The following SH2B2 variants were observed in gnomAD, a reference collection of about 807,000 sequenced individuals.
The protein encoded by SH2B2 is SH2B adaptor protein 2, also known as SH2B adapter protein 2.
Under a neutral mutation model 35.7 loss-of-function variants are expected in SH2B2, and 37 were observed. That is an observed-to-expected ratio of 1.04 (90% CI 0.80 to 1.36). The LOEUF is 1.36. Ranked by LOEUF, SH2B2 falls within the 40% of genes most tolerant of loss-of-function variation. The probability of loss-of-function intolerance (pLI) is 0.00; values close to 1 mark genes in which losing one functional copy is unlikely to be tolerated. For missense variants in SH2B2, 852 were observed against 817.7 expected (o/e 1.04, Z -0.51); for synonymous variants, 383 against 376.4 (o/e 1.02, Z -0.20).
In SH2B2 at chr7:102,312,278, G is replaced by A. The variant is rs547800923; in HGVS notation, c.924-2058G>A. Among the ~76,000 whole-genome samples the A allele has an allele frequency of 2.6e-5, 4 of 152,206 alleles. No homozygotes were observed. In the East Asian group the frequency reaches 5.8e-4, roughly 22 times the overall value. On this transcript the variant is annotated intron_variant, in intron 4 of 8. Transcript: ENST00000444095. Reference sequence around the variant, plus strand: ...TAATCCCAGCTACTTGGGAGGCTGAGGCAGGAGAATCACTTGAACCTGGGA... The same window carrying A: ...TAATCCCAGCTACTTGGGAGGCTGAAGCAGGAGAATCACTTGAACCTGGGA...
intron 2 of SH2B2, among the ~76,000 whole-genome samples, chr7:102,301,543 TGTGTGTGTGTGTGTCC>T (rs1188228283): frequency 1.9e-4 from 28 of 148,524 alleles, no homozygotes; most frequent in Admixed American, 5.3e-4. Flanking sequence ...TTTTCGTGTG[TGTGTGTGTGTGTGTCC>T]GTGTGTGTGT....
chr7:102,299,902 C>T (rs1425847130), intron 1 of SH2B2, among the ~76,000 whole-genome samples: 1 of 152,202 alleles, frequency 6.6e-6, no homozygotes, highest in African/African-American at 2.4e-5. Context: ...TCTGCAGACA[C>T]CACCTCCTGC....
intron 1 of SH2B2, among the ~76,000 whole-genome samples, chr7:102,287,743 TG>T (rs1421013481): frequency 6.6e-6 from 1 of 152,110 alleles, no homozygotes; most frequent in East Asian, 1.9e-4. Context: ...ACCTGCGGGC[TG>T]CGCGGGCCGG....
Position 102,314,527 on chromosome 7 carries a change from GC to G in SH2B2, c.1037del (p.Pro346GlnfsTer10), listed in dbSNP as rs1163945636. 2 of 398,666 alleles carry G rather than the reference GC, an allele frequency of 5.0e-6. No individual in the cohort carries two copies. The highest frequency in any genetic ancestry group is 8.8e-6 in the Non-Finnish European group (2 of 226,216). 24.7% of individuals were successfully genotyped at this position (398,666 alleles called of 1,614,324 possible). A position where few individuals can be genotyped will look rare whatever the true frequency, so the allele number is the denominator to read the frequency against. ...ELLTDAVDLP[R>X]PPETTAVGAV... ...ACTTCCCCAGCAGTCGACCTGCCCCGCCCCCCAGAGACGACAGCCGTGGGTG... is the reference window on the plus strand; with the variant it reads ...ACTTCCCCAGCAGTCGACCTGCCCCGCCCCCAGAGACGACAGCCGTGGGTG... On this transcript the variant is annotated frameshift_variant, in exon 6 of 9. Transcript: ENST00000444095. LOFTEE classifies it high-confidence loss of function.
At chr7:102,317,111 C>T (rs1563568198) in intron 6 of SH2B2, 76 bp from the exon 7 acceptor site, 3 of 1,207,746 alleles carry the variant, frequency 2.5e-6, no homozygotes, top group Non-Finnish European at 3.5e-6. Context: ...AAGACGTCAC[C>T]TCTCTTCTCA....
Position 102,300,883 on chromosome 7 carries a change from C to T in SH2B2, c.333C>T (p.Pro111=), listed in dbSNP as rs1554553595. The change falls in exon 2 of 9, where the codon CCC becomes CCT. Residue 111 remains proline (P), a synonymous_variant. Transcript: ENST00000444095. ...LADTSALKAA[P]YGHSRSSEDV... is the part of the protein sequence containing the mutation. Reference sequence around the variant, plus strand: ...ACACCTCTGCACTCAAGGCGGCGCCCTACGGCCACTCGCGGAGCTCGGAGG... The same window carrying T: ...ACACCTCTGCACTCAAGGCGGCGCCTTACGGCCACTCGCGGAGCTCGGAGG... The T allele has an allele frequency of 2.7e-6, 4 of 1,466,098 alleles. No homozygotes were observed. The African/African-American group carries it at 5.8e-5, about 21-fold the overall frequency. The allele number at this position is 1,466,098 out of a possible 1,614,324, so 90.8% of individuals were successfully genotyped here.
chr7:102,320,248 G>T, intron 7 of SH2B2, 83 bp from the exon 8 acceptor site: 1 of 1,165,478 alleles, frequency 8.6e-7, no homozygotes, highest in Non-Finnish European at 1.2e-6. Flanking sequence ...TGTGAGCCTT[G>T]GTCCTTCCAT....
chr7:102,307,797 G>A (rs1461510639), intron 3 of SH2B2, among the ~76,000 whole-genome samples: 1 of 151,244 alleles, frequency 6.6e-6, no homozygotes, highest in African/African-American at 2.4e-5. Flanking sequence ...TTGGAGATGG[G>A]TCCCACTCTG....
chr7:102,308,467 G>A (rs1793486851), intron 3 of SH2B2, among the ~76,000 whole-genome samples: 1 of 152,214 alleles, frequency 6.6e-6, no homozygotes, highest in South Asian at 2.1e-4. Context: ...CCCACCCCTG[G>A]GGTGCCAGGG....
At position 102,300,707 on chromosome 7, in the gene SH2B2, G is replaced by A. The variant is rs782055416; in HGVS notation, c.157G>A (p.Asp53Asn). Residue 53 changes from aspartate to asparagine, a missense_variant, in exon 2 of 9, where the codon GAC becomes AAC. Asp to Asn is a conservative substitution (Grantham distance 23). Transcript: ENST00000444095. ...CRFLRDNPAY[D>N]TPDAGASFSR... is the part of the protein sequence containing the mutation. The stretch of plus-strand genomic sequence containing the variant: ...TTTCCTGCGGGACAACCCAGCTTAC[G>A]ACACGCCCGACGCCGGCGCCTCCTT... 4.1e-5 allele frequency: 63 copies of A among 1,538,902 alleles called. No homozygotes were observed. Among genetic ancestry groups the A allele is most frequent in the Middle Eastern group, 1.7e-4 (1 of 5,976 alleles).
chr7:102,285,302 G>A (rs1359183001), upstream of SH2B2: 1 of 1,374,572 alleles, frequency 7.3e-7, no homozygotes, highest in Non-Finnish European at 1.0e-6. Context: ...CCAGGAGGGT[G>A]GAGACCACAA....
intron 1 of SH2B2, among the ~76,000 whole-genome samples, chr7:102,299,151 G>A (rs1472230198): frequency 2.8e-5 from 4 of 142,366 alleles, no homozygotes; most frequent in African/African-American, 7.8e-5. Flanking sequence ...CGCCCGCCTC[G>A]GCCTCCCAAA....
chr7:102,315,384 G>A (rs903300374), intron 6 of SH2B2, among the ~76,000 whole-genome samples: 2 of 151,918 alleles, frequency 1.3e-5, no homozygotes, highest in Non-Finnish European at 2.9e-5. Context: ...ACGCTGGAGT[G>A]CAGTGGCGGA....
rs1283439054 is a variant in SH2B2, at chr7:102,300,869, C to T, written c.319C>T (p.Leu107Phe). The T allele has an allele frequency of 6.8e-7, 1 of 1,463,184 alleles. No individual in the cohort carries two copies. The highest frequency in any genetic ancestry group is 9.0e-7 in the Non-Finnish European group (1 of 1,109,392). The allele number at this position is 1,463,184 out of a possible 1,614,324, so 90.6% of individuals were successfully genotyped here. ...GCCGGAGCTCGCGGACACCTCTGCA[C>T]TCAAGGCGGCGCCCTACGGCCACTC... ...MEPELADTSA[L>F]KAAPYGHSRS... Residue 107 changes from leucine to phenylalanine, a missense_variant, in exon 2 of 9, where the codon CTC becomes TTC. Leu to Phe is a conservative substitution (Grantham distance 22, BLOSUM62 0). Around this residue, in one of 3 missense-constraint regions of SH2B2, gnomAD observed 294 missense variants for 286.6 expected, o/e 1.03. Coordinates refer to ENST00000444095, the MANE Select transcript of SH2B2 (RefSeq NM_001359228.2).
intron 2 of SH2B2, 81 bp from the exon 3 acceptor site, chr7:102,306,640 C>CT (rs1793409288): frequency 3.9e-6 from 4 of 1,038,770 alleles, no homozygotes; most frequent in South Asian, 1.4e-5. Flanking sequence ...GAGGGCCACT[C>CT]TAACACCTGG....
At chr7:102,320,595 G>A (rs1794019372) in intron 8 of SH2B2, 93 bp downstream of exon 8, 3 of 1,472,660 alleles carry the variant, frequency 2.0e-6, no homozygotes, top group Non-Finnish European at 2.7e-6. Context: ...TGAGCCCCAG[G>A]TCTCCTGTCC....
upstream of SH2B2, among the ~76,000 whole-genome samples, chr7:102,285,878 C>A (rs576510105): frequency 7.2e-5 from 11 of 152,256 alleles, no homozygotes; most frequent in East Asian, 2.1e-3. Flanking sequence ...TCTGAGCGGC[C>A]CTTTCCACAC....
rs1793882779 is a variant in SH2B2, at chr7:102,317,307, C to T, written c.1307C>T (p.Pro436Leu). 2.5e-6 allele frequency: 4 copies of T among 1,613,500 alleles called. No individual in the cohort carries two copies. The highest frequency in any genetic ancestry group is 3.4e-6 in the Non-Finnish European group (4 of 1,179,482). ...KAAQLVLAGGPRNHGLFVIRQ... is the reference protein window; with the variant it reads ...KAAQLVLAGGLRNHGLFVIRQ... ...GCTCAACTGGTTCTGGCAGGGGGGC[C>T]CCGGAACCACGGCCTCTTCGTGATC... Residue 436 changes from proline to leucine, a missense_variant, in exon 7 of 9, where the codon CCC becomes CTC. Around this residue, in one of 3 missense-constraint regions of SH2B2, gnomAD observed 556 missense variants for 514.5 expected, o/e 1.08. Transcript: ENST00000444095.
intron 4 of SH2B2, 34 bp from the exon 5 acceptor site, chr7:102,314,302 G>A (rs1049571644): frequency 4.3e-5 from 17 of 398,498 alleles, no homozygotes; most frequent in African/African-American, 2.1e-4. Flanking sequence ...CAAGTCCCAC[G>A]GCAGGACATG....
Sources: allele counts gnomAD v4.1 joint callset (sites outside exome capture counted in the v4.1 genomes callset), GRCh38; gene constraint gnomAD v4.1.1; regional missense constraint gnomAD v4.1.1; transcripts MANE v1.5; gene names NCBI Gene and HGNC (gene_info 2026-07-23, HGNC 2026-07-21).